Variants in PAX6 observed in about 807,000 individuals in gnomAD.
The protein encoded by PAX6 is paired box protein Pax-6.
A neutral mutation model predicts 60.7 loss-of-function variants in PAX6; 7 were observed. That is an observed-to-expected ratio of 0.12 (90% CI 0.07 to 0.22). The LOEUF is 0.22. Among genes scored for constraint, PAX6 ranks in the 10% least tolerant of loss-of-function variants. The pLI, the probability that PAX6 is intolerant of heterozygous loss-of-function variation, is 1.00. For synonymous variants in PAX6, 208 were observed against 201.2 expected (o/e 1.03, Z -0.29); for missense variants, 355 against 555.2 (o/e 0.64, Z 3.62).
Position 31,789,577 on chromosome 11 carries a change from T to TAAAA in PAX6, c.*353_*356dup. ...AGCTTGTTGATCATGGTTTTCTTTT[T>TAAAA]AAAAAAAAAAAAAACAACTTCATGA... On this transcript the variant is annotated 3_prime_UTR_variant, in exon 14 of 14. Transcript: ENST00000640368. 2 of 493,630 alleles carry TAAAA rather than the reference T, an allele frequency of 4.1e-6. No homozygotes were observed. Among genetic ancestry groups the TAAAA allele is most frequent in the South Asian group, 2.7e-5 (1 of 37,430 alleles). The allele number at this position is 493,630 out of a possible 1,614,324, so 30.6% of individuals were successfully genotyped here. A position where few individuals can be genotyped will look rare whatever the true frequency, so the allele number is the denominator to read the frequency against.
At chr11:31,790,097 CAAAA>C (rs1171009926) in intron 13 of PAX6, 78 bp from the exon 14 acceptor site, 1,174 of 144,736 alleles carry the variant, frequency 8.1e-3, no homozygotes, top group Middle Eastern at 0.022. Context: ...TATAGGTTTA[CAAAA>C]AAAAAAAAAA....
chr11:31,806,600 T>C (rs1350781079), intron 3 of PAX6, 138 bp from the exon 4 acceptor site: 3 of 685,656 alleles, frequency 4.4e-6, no homozygotes, highest in Non-Finnish European at 7.8e-6. Context: ...CTTGGGGCGA[T>C]CTGAGGGTCA....
intron 8 of PAX6, among the ~76,000 whole-genome samples, chr11:31,796,248 T>A (rs1005851033): frequency 6.6e-6 from 1 of 152,084 alleles, no homozygotes; most frequent in Non-Finnish European, 1.5e-5. Flanking sequence ...ACTATTAAAC[T>A]CCTGGGGCAG....
In PAX6 at chr11:31,800,521, C is replaced by T. The variant is rs985505723; in HGVS notation, c.565+170G>A. ...TTCCCAGGCCAACAAAATGGTTCAA[C>T]AAACACCACCTACATACAATGTGGT... On this transcript the variant is annotated intron_variant, in intron 8 of 13. Coordinates refer to ENST00000640368, the MANE Select transcript of PAX6 (RefSeq NM_001368894.2). 6.2e-5 allele frequency: 54 copies of T among 872,862 alleles called. 1 individual carries two copies. The highest frequency in any genetic ancestry group is 3.2e-4 in the South Asian group (23 of 72,820). 54.1% of individuals were successfully genotyped at this position (872,862 alleles called of 1,614,324 possible). A position where few individuals can be genotyped will look rare whatever the true frequency, so the allele number is the denominator to read the frequency against.
Position 31,790,752 on chromosome 11 carries a change from T to C in PAX6, c.1183A>G (p.Met395Val). The C allele has an allele frequency of 6.2e-7, 1 of 1,614,128 alleles. No homozygotes were observed. Among genetic ancestry groups the C allele is most frequent in the South Asian group, 1.1e-5 (1 of 91,082 alleles). ...TYTPPHMQTH[M>V]NSQPMGTSGT... Reference sequence around the variant, plus strand: ...GAGGTGCCCATTGGCTGACTGTTCATGTGTGTCTGCATATGTGGGGGGGTG... The same window carrying C: ...GAGGTGCCCATTGGCTGACTGTTCACGTGTGTCTGCATATGTGGGGGGGTG... The change falls in exon 13 of 14, where the codon ATG (methionine) becomes GTG (valine). Residue 395 changes from methionine to valine, a missense_variant. This residue lies in a region of PAX6 where 149 missense variants were observed against 191.9 expected (regional missense o/e 0.78). Coordinates refer to ENST00000640368, the MANE Select transcript of PAX6 (RefSeq NM_001368894.2).
At chr11:31,808,439 T>C (rs1000780438) in intron 2 of PAX6, 2 of 152,230 alleles carry the variant, frequency 1.3e-5, no homozygotes, top group Non-Finnish European at 2.9e-5. Context: ...ATGCCCTGGA[T>C]AGGCAAAATC....
chr11:31,804,559 C>G (rs757079028), intron 4 of PAX6: 1 of 152,286 alleles, frequency 6.6e-6, no homozygotes, highest in Non-Finnish European at 1.5e-5. Context: ...GCGGGGACAC[C>G]GCTTCTCCAA....
At chr11:31,791,142 AT>A (rs1949822819) in intron 12 of PAX6, 1 of 497,568 alleles carries the variant, frequency 2.0e-6, no homozygotes, top group Admixed American at 3.1e-5. Context: ...AATTAATAGG[AT>A]TTTTGTCTCT....
At position 31,801,877 on chromosome 11, in the gene PAX6, A is replaced by G. The variant is rs1703477951; in HGVS notation, c.177T>C (p.Asn59=). The change falls in exon 6 of 14, where the codon AAT becomes AAC. Residue 59 remains asparagine, a synonymous_variant. Coordinates refer to ENST00000640368, the MANE Select transcript of PAX6 (RefSeq NM_001368894.2). ...HADAKVQVLD[N]QNVSNGCVSK... ...TAAACAATGACAAGCTTACGTTTTG[A>G]TTGTCCAGCACTTGGACTTTTGCAT... is the stretch of plus-strand genomic sequence containing the variant. The G allele has an allele frequency of 6.2e-7, 1 of 1,614,114 alleles. No homozygotes were observed. The highest frequency in any genetic ancestry group is 8.5e-7 in the Non-Finnish European group (1 of 1,179,928).
At position 31,794,764 on chromosome 11, in the gene PAX6, C is replaced by G. The variant is rs541894561; in HGVS notation, c.590G>C (p.Gly197Ala). The change falls in exon 9 of 14, where the codon GGG (glycine) becomes GCG (alanine). Residue 197 changes from glycine (G) to alanine (A), a missense_variant. Gly to Ala is a moderately conservative substitution (Grantham distance 60, BLOSUM62 0). This residue lies in a region of PAX6 where 143 missense variants were observed against 183.6 expected (regional missense o/e 0.78). Transcript: ENST00000640368. ...ACTGATGGAGTTGGTATTCTCTCCCCCTCCTTCCTGTTGCTGGCAGCCATC... is the reference window on the plus strand; with the variant it reads ...ACTGATGGAGTTGGTATTCTCTCCCGCTCCTTCCTGTTGCTGGCAGCCATC... ...TQDGCQQQEG[G>A]GENTNSISSN... The G allele has an allele frequency of 2.2e-5, 36 of 1,614,112 alleles. No individual in the cohort carries two copies. Among genetic ancestry groups the G allele is most frequent in the East Asian group, 1.8e-4 (8 of 44,878 alleles).
At chr11:31,799,035 G>A (rs1256227225) in intron 8 of PAX6, among the ~76,000 whole-genome samples, 1 of 152,232 alleles carries the variant, frequency 6.6e-6, no homozygotes, top group Non-Finnish European at 1.5e-5. Flanking sequence ...GGACTAAGTG[G>A]GCCAGACTCT....
chr11:31,790,876 C>T lies in PAX6; in HGVS notation c.1075-16G>A, dbSNP rs769482968. On this transcript the variant is annotated splice_polypyrimidine_tract_variant and intron_variant, in intron 12 of 13. Transcript: ENST00000640368. ...GGACTGGGGGCTGTGAGGAGAGAGG[C>T]AAACCTGTGGTTACTGAGGAACACA... The T allele has an allele frequency of 3.7e-6, 6 of 1,613,052 alleles. No homozygotes were observed. The East Asian group carries it at 8.9e-5, about 24-fold the overall frequency.
At chr11:31,796,805 T>C (rs947458184) in intron 8 of PAX6, among the ~76,000 whole-genome samples, 1 of 151,644 alleles carries the variant, frequency 6.6e-6, no homozygotes, top group Non-Finnish European at 1.5e-5. Flanking sequence ...AAAAGGAGGA[T>C]GAGGGCCAGA....
intron 13 of PAX6, chr11:31,790,227 C>A: frequency 3.7e-6 from 2 of 538,096 alleles, no homozygotes; most frequent in Non-Finnish European, 6.4e-6. Context: ...CCTATTGGAT[C>A]CCAAGTACCC....
At chr11:31,790,336 C>CT in intron 13 of PAX6, 1 of 776,900 alleles carries the variant, frequency 1.3e-6, no homozygotes, top group Non-Finnish European at 1.8e-6. Flanking sequence ...CAATGTGTCA[C>CT]TTTTTATTTC....
chr11:31,813,324 G>C (rs986505988), upstream of PAX6, among the ~76,000 whole-genome samples: 1 of 142,556 alleles, frequency 7.0e-6, no homozygotes, highest in Non-Finnish European at 1.5e-5. Flanking sequence ...TTCCAAGCGA[G>C]CATTAAAGAA....
At chr11:31,800,598 A>T in intron 8 of PAX6, 93 bp downstream of exon 8, 1 of 1,450,110 alleles carries the variant, frequency 6.9e-7, no homozygotes, top group African/African-American at 1.4e-5. Context: ...TTCCCCAAGC[A>T]TGGAAGCCCT....
At chr11:31,816,959 G>A (rs550112049) in intron 1 of PAX6, among the ~76,000 whole-genome samples, 39 of 152,360 alleles carry the variant, frequency 2.6e-4, no homozygotes, top group African/African-American at 8.2e-4. Flanking sequence ...TGAACCACAA[G>A]TTAGTCTAAG....
intron 7 of PAX6, 161 bp downstream of exon 7, chr11:31,801,399 AG>A: frequency 6.6e-7 from 1 of 1,517,918 alleles, no homozygotes; most frequent in South Asian, 1.3e-5. Context: ...GTCAAAGAAA[AG>A]TCAGGGCATT....
Sources: gnomAD v4.1 joint callset for allele counts (sites outside exome capture counted in the v4.1 genomes callset) on GRCh38, gnomAD v4.1.1 for gene constraint, gnomAD v4.1.1 regional missense constraint, MANE v1.5 for transcripts, NCBI Gene and HGNC (gene_info 2026-07-23, HGNC 2026-07-21) for gene names.